PLCH1: variants seen among roughly 807,000 people sequenced by gnomAD.
PLCH1 encodes 1-phosphatidylinositol 4,5-bisphosphate phosphodiesterase eta-1.
Under a neutral mutation model 126.7 loss-of-function variants are expected in PLCH1, and 60 were observed. The ratio of observed to expected loss-of-function variants is 0.47; its 90% CI spans 0.38 to 0.59. The LOEUF is 0.59. Among genes scored for constraint, PLCH1 ranks in the 20% least tolerant of loss-of-function variants. PLCH1 has a pLI of 0.00. For synonymous variants in PLCH1, 719 were observed against 734.9 expected (o/e 0.98, Z 0.35); for missense variants, 1,723 against 2,040.0 (o/e 0.84, Z 2.99).
intron 2 of PLCH1, among the ~76,000 whole-genome samples, chr3:155,653,051 G>A (rs536949773): frequency 2.0e-5 from 3 of 152,142 alleles, no homozygotes; most frequent in South Asian, 2.1e-4. Context: ...CTACTGCCAC[G>A]TGGGTGGGTG....
intron 9 of PLCH1, among the ~76,000 whole-genome samples, chr3:155,550,283 C>G (rs1424619726): frequency 1.3e-5 from 2 of 152,060 alleles, no homozygotes; most frequent in African/African-American, 4.8e-5. Flanking sequence ...GATGAGAAGT[C>G]TAAAGAAAGT....
At chr3:155,719,689 TAA>T (rs200614974) in intron 1 of PLCH1, among the ~76,000 whole-genome samples, 4 of 142,814 alleles carry the variant, frequency 2.8e-5, no homozygotes, top group Admixed American at 7.0e-5. Flanking sequence ...TTTGTTTTAG[TAA>T]AAAAAAAAAA....
chr3:155,611,575 GACTTCAATCCTCC>G (rs1364725597), intron 2 of PLCH1, among the ~76,000 whole-genome samples: 3 of 152,020 alleles, frequency 2.0e-5, no homozygotes, highest in Non-Finnish European at 2.9e-5. Context: ...AATACTGTGG[GACTTCAATCCTCC>G]ACTGACAGCA....
chr3:155,608,532 C>T (rs1734648609), intron 2 of PLCH1, among the ~76,000 whole-genome samples: 1 of 152,146 alleles, frequency 6.6e-6, no homozygotes, highest in South Asian at 2.1e-4. Flanking sequence ...CTAGTTTCCC[C>T]CCACTTCCCT....
rs200551560 is a variant in PLCH1, at chr3:155,737,157, G to A, written c.-41+7683C>T. On this transcript the variant is annotated intron_variant, in intron 1 of 22. Coordinates refer to ENST00000460012, the MANE Select transcript of PLCH1 (RefSeq NM_014996.4). ...TGAGGCAGGAGAATCGCATGAATCC[G>A]GAAAGCGGAGGTTGCAGTGAGCCGA... Among the ~76,000 whole-genome samples, 23 of 138,638 alleles carry A rather than the reference G, an allele frequency of 1.7e-4. No individual in the cohort carries two copies. In the East Asian group the frequency reaches 3.5e-3, roughly 21 times the overall value. 91.0% of individuals were successfully genotyped at this position (138,638 alleles called of 152,430 possible).
intron 2 of PLCH1, among the ~76,000 whole-genome samples, chr3:155,644,210 C>G (rs576484337): frequency 2.0e-5 from 3 of 152,278 alleles, no homozygotes; most frequent in Admixed American, 1.3e-4. Flanking sequence ...ACCCCAGAAC[C>G]ACAGCTCCAA....
Position 155,524,010 on chromosome 3 carries a change from A to G in PLCH1, c.1363-6T>C. The G allele has an allele frequency of 1.3e-6, 2 of 1,496,212 alleles. No homozygotes were observed. Among genetic ancestry groups the G allele is most frequent in the Non-Finnish European group, 1.9e-6 (2 of 1,077,326 alleles). The allele number at this position is 1,496,212 out of a possible 1,614,324, so 92.7% of individuals were successfully genotyped here. A position where few individuals can be genotyped will look rare whatever the true frequency, so the allele number is the denominator to read the frequency against. On this transcript the variant is annotated splice_polypyrimidine_tract_variant and splice_region_variant and intron_variant, in intron 10 of 22. Transcript: ENST00000460012. ...TGATAAGGCAACTTCTTACCCTGAA[A>G]TGGAACAAAACATCCCATTTAAAAA...
At chr3:155,461,196 C>A (rs1712712094) in intron 21 of PLCH1, among the ~76,000 whole-genome samples, 1 of 152,054 alleles carries the variant, frequency 6.6e-6, no homozygotes, top group East Asian at 1.9e-4. Flanking sequence ...CTAATTGGAC[C>A]TAATAAAGAG....
At chr3:155,558,561 A>G (rs77175121) in intron 8 of PLCH1, among the ~76,000 whole-genome samples, 1,759 of 152,328 alleles carry the variant, frequency 0.012, 21 homozygotes, top group Non-Finnish European at 0.018. Flanking sequence ...CACAATAACT[A>G]ATAGTAAAAC....
intron 1 of PLCH1, among the ~76,000 whole-genome samples, chr3:155,722,953 G>A (rs1038227573): frequency 2.0e-5 from 3 of 152,080 alleles, no homozygotes; most frequent in Admixed American, 1.3e-4. Context: ...TCTGGTCCTG[G>A]ACTTTTCTTG....
intron 21 of PLCH1, among the ~76,000 whole-genome samples, chr3:155,460,789 G>T (rs1452184348): frequency 9.7e-4 from 27 of 27,834 alleles, no homozygotes; most frequent in South Asian, 5.1e-3. Flanking sequence ...AGATATAGAA[G>T]ATAGATAGAT....
At chr3:155,502,919 G>A (rs965483354) in intron 13 of PLCH1, among the ~76,000 whole-genome samples, 2 of 152,168 alleles carry the variant, frequency 1.3e-5, no homozygotes, top group Admixed American at 1.3e-4. Context: ...TGACGGGCAG[G>A]AAATTCTAAA....
intron 21 of PLCH1, among the ~76,000 whole-genome samples, chr3:155,463,309 C>T (rs1027197423): frequency 4.6e-5 from 7 of 152,142 alleles, no homozygotes; most frequent in African/African-American, 1.4e-4. Flanking sequence ...TCTAATTGTT[C>T]GGACATTTAG....
chr3:155,463,656 C>T (rs1213212546), intron 21 of PLCH1, among the ~76,000 whole-genome samples: 1 of 151,932 alleles, frequency 6.6e-6, no homozygotes, highest in Non-Finnish European at 1.5e-5. Flanking sequence ...GCACTATGTA[C>T]AAAAGTCTCT....
chr3:155,709,958 C>A (rs1280353426), intron 1 of PLCH1, among the ~76,000 whole-genome samples: 1 of 152,034 alleles, frequency 6.6e-6, no homozygotes, highest in African/African-American at 2.4e-5. Context: ...TATTGTCAAG[C>A]TTTAAGAAGT....
At chr3:155,699,957 C>G (rs1340430887) in intron 2 of PLCH1, among the ~76,000 whole-genome samples, 3 of 152,168 alleles carry the variant, frequency 2.0e-5, no homozygotes, top group Admixed American at 6.5e-5. Context: ...TGCCATCTTG[C>G]CAGCCTTTCA....
intron 2 of PLCH1, among the ~76,000 whole-genome samples, chr3:155,623,388 C>T (rs1340634917): frequency 1.3e-5 from 2 of 151,770 alleles, no homozygotes; most frequent in Non-Finnish European, 2.9e-5. Context: ...TAGCAGAAGA[C>T]AAGAAATAAC....
Position 155,670,439 on chromosome 3 carries a change from T to C in PLCH1, c.79+33707A>G, listed in dbSNP as rs574061872. 2.6e-5 allele frequency among the ~76,000 whole-genome samples: 4 copies of C among 152,272 alleles called. No individual in the cohort carries two copies. In the South Asian group the frequency reaches 8.3e-4, roughly 32 times the overall value. On this transcript the variant is annotated intron_variant, in intron 2 of 22. Transcript: ENST00000460012. ...GTCACTGGATTAGACGAAAACCTTA[T>C]GTAACACACATATGCAACCATGACT...
downstream of PLCH1, among the ~76,000 whole-genome samples, chr3:155,475,642 T>TA (rs1277059419): frequency 6.6e-6 from 1 of 152,082 alleles, no homozygotes; most frequent in Non-Finnish European, 1.5e-5. Context: ...TTACAACTGA[T>TA]ATTGCAGCAA....
Sources: allele counts gnomAD v4.1 joint callset (sites outside exome capture counted in the v4.1 genomes callset), GRCh38; gene constraint gnomAD v4.1.1; transcripts MANE v1.5; gene names NCBI Gene and HGNC (gene_info 2026-07-23, HGNC 2026-07-21).